WFDC1: variants seen among roughly 807,000 people sequenced by gnomAD.
The protein encoded by WFDC1 is WAP four-disulfide core domain 1.
A neutral mutation model predicts 32.9 loss-of-function variants in WFDC1; 39 were observed. That is an observed-to-expected ratio of 1.19 (90% CI 0.92 to 1.55). The LOEUF is 1.55. WFDC1 is among the 40% of genes most tolerant of loss of function. WFDC1 has a pLI of 0.00. For missense variants in WFDC1, 386 were observed against 309.5 expected, an observed-to-expected ratio of 1.25 and a Z score of -1.85; for synonymous variants, 184 against 137.4, an observed-to-expected ratio of 1.34 and a Z score of -2.37.
At chr16:84,297,985 GC>G (rs1160028939) in intron 1 of WFDC1, among the ~76,000 whole-genome samples, 1 of 152,142 alleles carries the variant, frequency 6.6e-6, no homozygotes, top group African/African-American at 2.4e-5. Context: ...ACCCTCAAGG[GC>G]TATGGGCTCG....
At chr16:84,295,302 C>T (rs527702582) in intron 1 of WFDC1, 187 bp downstream of exon 1, 1 of 643,768 alleles carries the variant, frequency 1.6e-6, no homozygotes, top group East Asian at 3.1e-5. Context: ...CAAAAAAGGA[C>T]CCTTATCTGT....
chr16:84,326,139 AC>A (rs1485638901), intron 5 of WFDC1: 3 of 149,666 alleles, frequency 2.0e-5, no homozygotes, highest in Non-Finnish European at 3.0e-5. Context: ...CCATTCATCT[AC>A]CCATCTATCC....
intron 1 of WFDC1, among the ~76,000 whole-genome samples, chr16:84,307,742 C>T (rs1243154876): frequency 2.6e-5 from 4 of 152,174 alleles, no homozygotes; most frequent in Non-Finnish European, 5.9e-5. Context: ...TAACCACCCT[C>T]CGAAGGAGGC....
intron 1 of WFDC1, among the ~76,000 whole-genome samples, chr16:84,296,482 G>C (rs529600055): frequency 6.6e-6 from 1 of 152,124 alleles, no homozygotes; most frequent in South Asian, 2.1e-4. Flanking sequence ...TTAGGGTTGG[G>C]GACAGTGGAC....
chr16:84,319,434 A>T lies in WFDC1; in HGVS notation c.425A>T (p.Glu142Val). Reference protein sequence around the residue: ...LDGPEEVLQAEACSTTEDGAE... With the variant: ...LDGPEEVLQAVACSTTEDGAE... ...CCAGCGTGTGTCCCTCCTGCAGCAG[A>T]GGCGTGCAGCACCACGGAGGATGGG... The change falls in exon 4 of 7, where the codon GAG (glutamate) becomes GTG (valine). Residue 142 changes from glutamate to valine, a missense_variant. Coordinates refer to ENST00000219454, the MANE Select transcript of WFDC1 (RefSeq NM_021197.4). 1 of 1,609,812 alleles carries T rather than the reference A, an allele frequency of 6.2e-7. No homozygotes were observed. Among genetic ancestry groups the T allele is most frequent in the Non-Finnish European group, 8.5e-7 (1 of 1,179,782 alleles).
At chr16:84,295,248 C>T in intron 1 of WFDC1, 133 bp downstream of exon 1, 1 of 1,197,762 alleles carries the variant, frequency 8.3e-7, no homozygotes, top group Non-Finnish European at 1.2e-6. Flanking sequence ...GTCTTCCTAT[C>T]CGTGTGTGTC....
chr16:84,318,252 C>G lies in WFDC1; in HGVS notation c.338-20C>G, dbSNP rs1457842421. 1.9e-6 allele frequency: 3 copies of G among 1,613,740 alleles called. No individual in the cohort carries two copies. The highest frequency in any genetic ancestry group is 1.1e-5 in the South Asian group (1 of 91,044). On this transcript the variant is annotated intron_variant, in intron 2 of 6. Coordinates refer to ENST00000219454, the MANE Select transcript of WFDC1 (RefSeq NM_021197.4). Reference sequence around the variant, plus strand: ...TCAGCTGCTTGAGGAGGGCCCTGATCTGACCCCGTATTGTGTTAGTCTTAG... The same window carrying G: ...TCAGCTGCTTGAGGAGGGCCCTGATGTGACCCCGTATTGTGTTAGTCTTAG...
intron 1 of WFDC1, among the ~76,000 whole-genome samples, chr16:84,305,197 A>T (rs969833808): frequency 1.4e-4 from 21 of 152,220 alleles, no homozygotes; most frequent in Admixed American, 1.4e-3. Context: ...GAGCTTACTA[A>T]ATGCTGCCTC....
intron 2 of WFDC1, 23 bp downstream of exon 2, chr16:84,313,176 G>A: frequency 7.1e-7 from 1 of 1,400,744 alleles, no homozygotes; most frequent in South Asian, 1.6e-5. Flanking sequence ...CCCGAGGGAG[G>A]GGGCTGAGGG....
intron 1 of WFDC1, among the ~76,000 whole-genome samples, chr16:84,303,117 G>T (rs1335963987): frequency 1.3e-5 from 2 of 151,496 alleles, no homozygotes; most frequent in African/African-American, 4.9e-5. Flanking sequence ...CCGGGCACCA[G>T]GAAATGGCAT....
chr16:84,298,816 C>A (rs1458145539), intron 1 of WFDC1, among the ~76,000 whole-genome samples: 2 of 152,178 alleles, frequency 1.3e-5, no homozygotes, highest in African/African-American at 4.8e-5. Flanking sequence ...AGCACGCTTG[C>A]CTTCCATTCC....
chr16:84,311,409 T>TTTTTTC (rs1567656818), intron 1 of WFDC1, among the ~76,000 whole-genome samples: 1 of 137,082 alleles, frequency 7.3e-6, no homozygotes, highest in African/African-American at 2.6e-5. Context: ...TTTGTATTTT[T>TTTTTTC]AGTAGAGACG....
At chr16:84,295,933 G>C (rs1024640036) in intron 1 of WFDC1, 5 of 152,316 alleles carry the variant, frequency 3.3e-5, no homozygotes, top group African/African-American at 1.2e-4. Flanking sequence ...TCTCTGCCTG[G>C]GGAACTCAAT....
At chr16:84,320,796 A>C (rs1908262678) in intron 4 of WFDC1, among the ~76,000 whole-genome samples, 1 of 152,146 alleles carries the variant, frequency 6.6e-6, no homozygotes, top group South Asian at 2.1e-4. Flanking sequence ...ACCCTCAGAC[A>C]AGATTGGTGA....
At chr16:84,310,757 G>A (rs564338556) in intron 1 of WFDC1, among the ~76,000 whole-genome samples, 18 of 152,252 alleles carry the variant, frequency 1.2e-4, no homozygotes, top group African/African-American at 3.6e-4. Flanking sequence ...TTCATGAGCC[G>A]CCATATCCTG....
intron 6 of WFDC1, chr16:84,327,397 C>G (rs1395504533): frequency 1.8e-5 from 3 of 164,102 alleles, no homozygotes; most frequent in Admixed American, 1.2e-4. Context: ...TGAGTTCTCA[C>G]TATGTTACTC....
intron 6 of WFDC1, 180 bp from the exon 7 acceptor site, chr16:84,329,142 C>G (rs1341168698): frequency 6.6e-6 from 1 of 152,088 alleles, no homozygotes; most frequent in Non-Finnish European, 1.5e-5. Flanking sequence ...ACAGTGAGTT[C>G]AGAATTGGGT....
intron 4 of WFDC1, 146 bp downstream of exon 4, chr16:84,319,717 C>A: frequency 9.0e-7 from 1 of 1,110,156 alleles, no homozygotes; most frequent in Non-Finnish European, 1.3e-6. Flanking sequence ...CTTCCCCCTG[C>A]CCGGCTCCTT....
intron 1 of WFDC1, among the ~76,000 whole-genome samples, chr16:84,300,659 A>G (rs8046560): frequency 1.3e-5 from 2 of 152,112 alleles, no homozygotes; most frequent in East Asian, 3.9e-4. Flanking sequence ...CTTAATATGA[A>G]CCCCGTTCCT....
Sources: allele counts gnomAD v4.1 joint callset (sites outside exome capture counted in the v4.1 genomes callset), GRCh38; gene constraint gnomAD v4.1.1; transcripts MANE v1.5; gene names NCBI Gene and HGNC (gene_info 2026-07-23, HGNC 2026-07-21).